Variants in KYAT3 observed in about 807,000 individuals in gnomAD.
The protein encoded by KYAT3 is kynurenine aminotransferase 3.
KYAT3 carries 50 observed loss-of-function variants against 59.0 expected under a neutral mutation model. That is an observed-to-expected ratio of 0.85 (90% CI 0.68 to 1.07). The LOEUF (loss-of-function observed/expected upper bound fraction) is 1.07, where lower values mean the gene tolerates loss of function less well. Among genes scored for constraint, KYAT3 ranks in the 50% least tolerant of loss-of-function variants. The pLI is 0.00. For synonymous variants in KYAT3, 148 were observed against 177.0 expected (o/e 0.84, Z 1.30); for missense variants, 497 against 533.3 (o/e 0.93, Z 0.67).
chr1:88,936,560 T>C (rs1039764966), intron 13 of KYAT3, among the ~76,000 whole-genome samples: 1 of 152,206 alleles, frequency 6.6e-6, no homozygotes, highest in Non-Finnish European at 1.5e-5. Context: ...AATTTCTGGA[T>C]TTAGTTCTAA....
intron 13 of KYAT3, among the ~76,000 whole-genome samples, chr1:88,940,645 A>G (rs1243913560): frequency 1.3e-5 from 2 of 152,212 alleles, no homozygotes; most frequent in African/African-American, 4.8e-5. Flanking sequence ...AAATAATTAA[A>G]TTGGCTATCC....
intron 2 of KYAT3, chr1:88,981,926 T>C (rs1226710541): frequency 1.0e-6 from 1 of 974,130 alleles, no homozygotes; most frequent in Non-Finnish European, 1.2e-6. Context: ...TTGCAAAAAT[T>C]TGAAAGAGTA....
intron 13 of KYAT3, among the ~76,000 whole-genome samples, chr1:88,939,591 C>T (rs1028823372): frequency 9.9e-5 from 15 of 152,136 alleles, no homozygotes; most frequent in Non-Finnish European, 1.9e-4. Context: ...TATGCAGGTT[C>T]CATTTGTTCT....
intron 2 of KYAT3, chr1:88,981,902 G>A: frequency 7.8e-6 from 7 of 897,808 alleles, no homozygotes; most frequent in Non-Finnish European, 9.3e-6. Flanking sequence ...TCCTTTAAAA[G>A]TGAGACATTA....
intron 2 of KYAT3, among the ~76,000 whole-genome samples, chr1:88,985,239 G>C (rs914334825): frequency 2.6e-5 from 4 of 152,186 alleles, no homozygotes; most frequent in Non-Finnish European, 4.4e-5. Context: ...AAGGGAGTGC[G>C]TGAGTATTGT....
chr1:88,983,890 A>T, intron 2 of KYAT3: 1 of 1,600,434 alleles, frequency 6.2e-7, no homozygotes. Flanking sequence ...GCTCGCCGAC[A>T]GGGGCTTCCT....
Sources: allele counts gnomAD v4.1 joint callset (sites outside exome capture counted in the v4.1 genomes callset), GRCh38; gene constraint gnomAD v4.1.1; transcripts MANE v1.5; gene names NCBI Gene and HGNC (gene_info 2026-07-23, HGNC 2026-07-21).